Variants in CACNA1D observed in about 807,000 individuals in gnomAD.
CACNA1D encodes the protein calcium voltage-gated channel subunit alpha1 D, also known as voltage-dependent L-type calcium channel subunit alpha-1D.
CACNA1D carries 55 observed loss-of-function variants against 257.1 expected under a neutral mutation model. The observed-to-expected ratio is 0.21, with a 90% confidence interval of 0.17 to 0.27. CACNA1D has a LOEUF of 0.27. CACNA1D is among the 10% of genes least tolerant of loss of function. The pLI is 1.00. For synonymous variants in CACNA1D, 980 were observed against 1,014.9 expected, an observed-to-expected ratio of 0.97 and a Z score of 0.65; for missense variants, 1,876 against 2,784.0, an observed-to-expected ratio of 0.67 and a Z score of 7.34.
chr3:53,549,609 C>T lies in CACNA1D; in HGVS notation c.483+47889C>T, dbSNP rs530746054. Reference sequence around the variant, plus strand: ...CAGAGACACAGTCTTTAGGTGCTCACTCTAGAGAGGACTGTGATAAGCATA... The same window carrying T: ...CAGAGACACAGTCTTTAGGTGCTCATTCTAGAGAGGACTGTGATAAGCATA... On this transcript the variant is annotated intron_variant, in intron 3 of 47. Coordinates refer to ENST00000350061, the MANE Select transcript of CACNA1D (RefSeq NM_001128840.3). 4.6e-5 allele frequency among the ~76,000 whole-genome samples: 7 copies of T among 152,314 alleles called. No individual in the cohort carries two copies. In the South Asian group the frequency reaches 8.3e-4, roughly 18 times the overall value.
intron 3 of CACNA1D, among the ~76,000 whole-genome samples, chr3:53,513,889 G>A (rs139779404): frequency 9.2e-4 from 140 of 152,284 alleles, no homozygotes; most frequent in African/African-American, 3.2e-3. Context: ...GTCACATGCT[G>A]TACAGGTTTG....
chr3:53,559,748 C>T (rs1439204839), intron 3 of CACNA1D, among the ~76,000 whole-genome samples: 3 of 152,140 alleles, frequency 2.0e-5, no homozygotes, highest in African/African-American at 4.8e-5. Context: ...TCCTTGGTTC[C>T]CTGATGTCCT....
At chr3:53,740,199 C>A in intron 20 of CACNA1D, 81 bp from the exon 21 acceptor site, 1 of 994,336 alleles carries the variant, frequency 1.0e-6, no homozygotes, top group South Asian at 1.3e-5. Context: ...CTGACTGGAT[C>A]GGGGGTTTCT....
In CACNA1D at chr3:53,719,717, C is replaced by T. The variant is rs199991086; in HGVS notation, c.1479-38C>T. 2.6e-5 allele frequency: 41 copies of T among 1,604,916 alleles called. No homozygotes were observed. The South Asian group carries it at 4.0e-4, about 16-fold the overall frequency. On this transcript the variant is annotated intron_variant, in intron 10 of 47. Coordinates refer to ENST00000350061, the MANE Select transcript of CACNA1D (RefSeq NM_001128840.3). ...GATGGGGAGTGTGTGCTCAAGCCCT[C>T]GGAACCAGAATCTTAACACTTTTTG...
At position 53,719,753 on chromosome 3, in the gene CACNA1D, A is replaced by T. The variant is rs747152375; in HGVS notation, c.1479-2A>T. The T allele has an allele frequency of 6.2e-7, 1 of 1,613,716 alleles. No individual in the cohort carries two copies. On this transcript the variant is annotated splice_acceptor_variant, in intron 10 of 47. Coordinates refer to ENST00000350061, the MANE Select transcript of CACNA1D (RefSeq NM_001128840.3). LOFTEE classifies it high-confidence loss of function. ...TCTTAACACTTTTTGTCTTTCTTTCAGTCAAGCCATCTCAAAATCCAAACT... is the reference window on the plus strand; with the variant it reads ...TCTTAACACTTTTTGTCTTTCTTTCTGTCAAGCCATCTCAAAATCCAAACT...
intron 8 of CACNA1D, among the ~76,000 whole-genome samples, chr3:53,701,127 G>A (rs748995511): frequency 1.9e-4 from 28 of 150,258 alleles, no homozygotes; most frequent in Non-Finnish European, 4.4e-5. Context: ...GGTTAGTTTT[G>A]TTGTTGTTGT....
chr3:53,799,223 T>A (rs574897462), intron 40 of CACNA1D, among the ~76,000 whole-genome samples: 11 of 152,352 alleles, frequency 7.2e-5, no homozygotes, highest in Non-Finnish European at 1.5e-4. Context: ...AAGAATAAAG[T>A]TGCCATACAG....
chr3:53,495,207 G>C lies in CACNA1D; in HGVS notation c.41G>C (p.Arg14Pro). Residue 14 changes from arginine (R) to proline (P), a missense_variant, in exon 1 of 48, where the codon CGG becomes CCG. By Grantham distance (103) the Arg-to-Pro change is moderately radical. Around this residue, in one of 10 missense-constraint regions of CACNA1D, gnomAD observed 143 missense variants for 168.7 expected, o/e 0.85. Coordinates refer to ENST00000350061, the MANE Select transcript of CACNA1D (RefSeq NM_001128840.3). The surrounding 1 kb of genome is among the most constrained non-coding windows in gnomAD (Gnocchi z 5.1). ...MMMMKKMQHQ[R>P]QQQADHANEA... ...ATGATGAAAAAAATGCAGCATCAAC[G>C]GCAGCAGCAAGCGGACCACGCGAAC... 1.2e-6 allele frequency: 2 copies of C among 1,613,412 alleles called. No homozygotes were observed. The highest frequency in any genetic ancestry group is 4.5e-5 in the East Asian group (2 of 44,826).
chr3:53,685,427 A>G (rs1328762984), intron 8 of CACNA1D, among the ~76,000 whole-genome samples: 1 of 152,212 alleles, frequency 6.6e-6, no homozygotes, highest in East Asian at 1.9e-4. Flanking sequence ...CAGCAAATAT[A>G]GATAATATCT....
intron 3 of CACNA1D, among the ~76,000 whole-genome samples, chr3:53,604,824 G>A (rs3774473): frequency 0.1 from 15,914 of 152,148 alleles, 874 homozygotes; most frequent in East Asian, 0.18. Flanking sequence ...AGAAACATTA[G>A]CACCTTCATT....
In CACNA1D at chr3:53,732,924, T is replaced by C. The variant is rs2095012910; in HGVS notation, c.2583T>C (p.Pro861=). The C allele has an allele frequency of 1.2e-6, 2 of 1,613,988 alleles. No individual in the cohort carries two copies. Among genetic ancestry groups the C allele is most frequent in the South Asian group, 2.2e-5 (2 of 91,068 alleles). Reference sequence around the variant, plus strand: ...TGAAGGAAAAAATTGCCCCCATCCCTGAAGGGAGCGCTTTCTTCATTCTTA... The same window carrying C: ...TGAAGGAAAAAATTGCCCCCATCCCCGAAGGGAGCGCTTTCTTCATTCTTA... The part of the protein sequence containing the change: ...LNMKEKIAPI[P]EGSAFFILSK... Residue 861 remains proline (P), a synonymous_variant, in exon 19 of 48, where the codon CCT becomes CCC. Coordinates refer to ENST00000350061, the MANE Select transcript of CACNA1D (RefSeq NM_001128840.3).
At chr3:53,593,908 C>T (rs545820423) in intron 3 of CACNA1D, among the ~76,000 whole-genome samples, 12 of 152,312 alleles carry the variant, frequency 7.9e-5, no homozygotes, top group African/African-American at 2.9e-4. Context: ...TCTGCAGGAG[C>T]TTCAGTCAGA....
Position 53,731,282 on chromosome 3 carries a change from A to G in CACNA1D, c.2406+136A>G, listed in dbSNP as rs545504048. Reference sequence around the variant, plus strand: ...TTTGGTGTGAAGAATATGGCACACCATATAGACCCTGGCTTCCCAGGGGGG... The same window carrying G: ...TTTGGTGTGAAGAATATGGCACACCGTATAGACCCTGGCTTCCCAGGGGGG... On this transcript the variant is annotated intron_variant, in intron 17 of 47. Coordinates refer to ENST00000350061, the MANE Select transcript of CACNA1D (RefSeq NM_001128840.3). The G allele has an allele frequency of 8.7e-6, 6 of 689,614 alleles. No individual in the cohort carries two copies. In the South Asian group the frequency reaches 9.9e-5, roughly 11 times the overall value. 42.7% of individuals were successfully genotyped at this position (689,614 alleles called of 1,614,324 possible). A position where few individuals can be genotyped will look rare whatever the true frequency, so the allele number is the denominator to read the frequency against.
At chr3:53,599,829 G>C (rs2093419353) in intron 3 of CACNA1D, among the ~76,000 whole-genome samples, 1 of 152,154 alleles carries the variant, frequency 6.6e-6, no homozygotes, top group African/African-American at 2.4e-5. Flanking sequence ...TAGGCCCAAG[G>C]AAACCCACCA....
intron 40 of CACNA1D, chr3:53,791,242 T>TC (rs2095481199): frequency 1.8e-6 from 1 of 544,816 alleles, no homozygotes; most frequent in Non-Finnish European, 3.3e-6. Context: ...CGGACGTTGC[T>TC]CACGGTGGTT....
chr3:53,756,140 A>G (rs1236072323), intron 29 of CACNA1D, among the ~76,000 whole-genome samples: 1 of 152,222 alleles, frequency 6.6e-6, no homozygotes, highest in African/African-American at 2.4e-5. Flanking sequence ...TTCATAAAAT[A>G]AGTATAGAAA....
At chr3:53,515,468 C>T (rs535671072) in intron 3 of CACNA1D, among the ~76,000 whole-genome samples, 3 of 152,320 alleles carry the variant, frequency 2.0e-5, no homozygotes, top group Admixed American at 6.5e-5. Flanking sequence ...TTTATCCTCA[C>T]AGCAGCCTTG....
At chr3:53,500,759 A>G (rs916966396) in intron 2 of CACNA1D, among the ~76,000 whole-genome samples, 2 of 152,196 alleles carry the variant, frequency 1.3e-5, no homozygotes, top group African/African-American at 4.8e-5. Flanking sequence ...AGTTTTGACA[A>G]TGTCTCTTAA....
chr3:53,608,113 G>A (rs928287712), intron 3 of CACNA1D, among the ~76,000 whole-genome samples: 1 of 152,132 alleles, frequency 6.6e-6, no homozygotes, highest in African/African-American at 2.4e-5. Flanking sequence ...TTAATATCAA[G>A]TCTTCTGTCC....
Sources: allele counts gnomAD v4.1 joint callset (sites outside exome capture counted in the v4.1 genomes callset), GRCh38; gene constraint gnomAD v4.1.1; regional missense constraint gnomAD v4.1.1; non-coding constraint Gnocchi (gnomAD v3.1); transcripts MANE v1.5; gene names NCBI Gene and HGNC (gene_info 2026-07-23, HGNC 2026-07-21).